EML6: variants seen among roughly 807,000 people sequenced by gnomAD.
EML6 encodes the protein echinoderm microtubule-associated protein-like 6.
A neutral mutation model predicts 240.1 loss-of-function variants in EML6; 154 were observed. The ratio of observed to expected loss-of-function variants is 0.64; its 90% confidence interval spans 0.56 to 0.73. The LOEUF (loss-of-function observed/expected upper bound fraction) is 0.73. Ranked by LOEUF, EML6 falls within the 30% of genes least tolerant of loss-of-function variation. EML6 has a pLI of 0.00. For synonymous variants in EML6, 1,148 were observed against 899.0 expected (o/e 1.28, Z -4.95); for missense variants, 2,964 against 2,474.6 (o/e 1.20, Z -4.20).
At chr2:54,934,548 A>ATATATT (rs1229062609) in intron 28 of EML6, among the ~76,000 whole-genome samples, 4 of 151,948 alleles carry the variant, frequency 2.6e-5, no homozygotes, top group Admixed American at 6.6e-5. Flanking sequence ...ATACATATAT[A>ATATATT]TATATTTATA....
rs879068173 is a variant in EML6, at chr2:54,844,172, G to C, written c.973G>C (p.Glu325Gln). The change falls in exon 8 of 42, where the codon GAG (glutamate) becomes CAG (glutamine). Residue 325 changes from glutamate (E) to glutamine (Q), a missense_variant. Transcript: ENST00000356458. ...KPMLILQGHC[E>Q]GELWALALHP... ...GATGTTGATCCTACAGGGCCACTGCGAGGGTGAGCTCTGGGCTCTGGCCCT... is the reference window on the plus strand; with the variant it reads ...GATGTTGATCCTACAGGGCCACTGCCAGGGTGAGCTCTGGGCTCTGGCCCT... 1 of 1,551,712 alleles carries C rather than the reference G, an allele frequency of 6.4e-7. No homozygotes were observed. Among genetic ancestry groups the C allele is most frequent in the South Asian group, 1.2e-5 (1 of 84,062 alleles).
rs1674802094 is a variant in EML6, at chr2:54,930,570, A to T, written c.4004+1819A>T. Among the ~76,000 whole-genome samples the T allele has an allele frequency of 2.0e-5, 3 of 152,124 alleles. No homozygotes were observed. The South Asian group carries it at 6.2e-4, about 32-fold the overall frequency. On this transcript the variant is annotated intron_variant, in intron 28 of 41. Coordinates refer to ENST00000356458, the MANE Select transcript of EML6 (RefSeq NM_001039753.4). ...CCTTATAATATTATGAAATAGGGGT[A>T]GGCAGTTCAGTAGTTTACTGGCATT...
intron 2 of EML6, among the ~76,000 whole-genome samples, chr2:54,787,908 C>T (rs1225717089): frequency 2.0e-5 from 3 of 152,160 alleles, no homozygotes; most frequent in Admixed American, 6.5e-5. Context: ...CACACCCCGT[C>T]CCCCGAGGCC....
At chr2:54,957,623 T>G (rs1676291249) in intron 32 of EML6, among the ~76,000 whole-genome samples, 167 bp from the exon 33 acceptor site, 1 of 152,194 alleles carries the variant, frequency 6.6e-6, no homozygotes, top group Non-Finnish European at 1.5e-5. Flanking sequence ...CCAGACACAC[T>G]TTCCCCGCTG....
intron 26 of EML6, 141 bp downstream of exon 26, chr2:54,917,076 C>G (rs1450149633): frequency 1.3e-5 from 8 of 626,756 alleles, no homozygotes; most frequent in Non-Finnish European, 2.1e-5. Context: ...AAAAACCTCC[C>G]TGACATTGTG....
At chr2:54,872,618 G>A (rs1383734249) in intron 16 of EML6, among the ~76,000 whole-genome samples, 2 of 152,118 alleles carry the variant, frequency 1.3e-5, no homozygotes, top group African/African-American at 2.4e-5. Context: ...GGAGCCCTTG[G>A]GACATCCATG....
At chr2:54,856,723 C>T (rs1401247028) in intron 11 of EML6, among the ~76,000 whole-genome samples, 1 of 152,146 alleles carries the variant, frequency 6.6e-6, no homozygotes, top group African/African-American at 2.4e-5. Context: ...TCGTAAAGGG[C>T]CCCCTGGCCA....
intron 2 of EML6, among the ~76,000 whole-genome samples, chr2:54,739,890 A>G (rs1048444610): frequency 9.9e-5 from 15 of 152,206 alleles, no homozygotes; most frequent in African/African-American, 3.4e-4. Flanking sequence ...TGCAAAGAGA[A>G]CTATGAATAC....
At chr2:54,941,971 C>T (rs1439375692) in intron 28 of EML6, among the ~76,000 whole-genome samples, 1 of 152,234 alleles carries the variant, frequency 6.6e-6, no homozygotes, top group African/African-American at 2.4e-5. Flanking sequence ...AATTAATCAT[C>T]TCCAAGGCCT....
At chr2:54,784,948 A>G (rs1319115321) in intron 2 of EML6, among the ~76,000 whole-genome samples, 2 of 152,204 alleles carry the variant, frequency 1.3e-5, no homozygotes, top group African/African-American at 4.8e-5. Flanking sequence ...CATAGCAGGC[A>G]ACTGCAGCTG....
intron 11 of EML6, 77 bp from the exon 12 acceptor site, chr2:54,859,457 G>A: frequency 8.8e-7 from 1 of 1,137,048 alleles, no homozygotes; most frequent in Non-Finnish European, 1.3e-6. Flanking sequence ...TCTTCAACAT[G>A]AACAGAAGGG....
chr2:54,799,632 C>G (rs34389776), intron 2 of EML6, among the ~76,000 whole-genome samples: 31,203 of 152,160 alleles, frequency 0.21, 3,570 homozygotes, highest in Middle Eastern at 0.32. Context: ...CGTGAACCAT[C>G]GTGCCCAGCT....
intron 15 of EML6, 113 bp downstream of exon 15, chr2:54,869,480 A>G: frequency 1.2e-6 from 1 of 808,732 alleles, no homozygotes. Context: ...TGAGATGGGA[A>G]GGTGAAGATT....
At chr2:54,906,388 T>C (rs535175618) in intron 24 of EML6, among the ~76,000 whole-genome samples, 1 of 152,168 alleles carries the variant, frequency 6.6e-6, no homozygotes, top group Non-Finnish European at 1.5e-5. Flanking sequence ...GGGATGCTGC[T>C]GTGGAGGGGC....
At chr2:54,827,887 A>G (rs748606017) in intron 6 of EML6, 136 bp downstream of exon 6, 5 of 627,158 alleles carry the variant, frequency 8.0e-6, no homozygotes, top group Middle Eastern at 4.3e-4. Context: ...ATAATTTCCC[A>G]TATTACATTT....
At chr2:54,846,936 T>TTTTTTTTTTTTTTTGGAGACA (rs1669793625) in intron 8 of EML6, among the ~76,000 whole-genome samples, 1 of 151,160 alleles carries the variant, frequency 6.6e-6, no homozygotes, top group Non-Finnish European at 1.5e-5. Context: ...TTTTTTTTTT[T>TTTTTTTTTTTTTTTGGAGACA]GGAGACAGGG....
chr2:54,838,056 T>C (rs866355265), intron 7 of EML6, among the ~76,000 whole-genome samples: 2 of 152,226 alleles, frequency 1.3e-5, no homozygotes, highest in African/African-American at 2.4e-5. Context: ...AACATAGCCT[T>C]TTCCTCTGTG....
chr2:54,970,366 T>C lies in EML6; in HGVS notation c.*271T>C, dbSNP rs1232135843. The C allele has an allele frequency of 7.0e-6, 3 of 428,698 alleles. No individual in the cohort carries two copies. Among genetic ancestry groups the C allele is most frequent in the East Asian group, 6.9e-5 (2 of 29,016 alleles). The allele number at this position is 428,698 out of a possible 1,614,324, so 26.6% of individuals were successfully genotyped here. ...CTAAACAGTATACATACTAACTACA[T>C]TGACAAAGAAATCCTATCTGATAAT... On this transcript the variant is annotated 3_prime_UTR_variant, in exon 42 of 42. Coordinates refer to ENST00000356458, the MANE Select transcript of EML6 (RefSeq NM_001039753.4).
rs914939323 is a variant in EML6 at position 54,725,954 on chromosome 2, C to T, written c.197+696C>T. 6.6e-6 allele frequency among the ~76,000 whole-genome samples: 1 copy of T among 151,942 alleles called. No homozygotes were observed. The highest frequency in any genetic ancestry group is 1.5e-5 in the Non-Finnish European group (1 of 67,936). On this transcript the variant is annotated intron_variant, in intron 2 of 41. Transcript: ENST00000356458. This position sits in a 1 kb window ranked among gnomAD's most constrained non-coding sequence, Gnocchi z 4.3. Reference sequence around the variant, plus strand: ...TAGCGGATGGCCCAAGACTGACTGACAGGAGAGCTCATTTGGATGAATGGC... The same window carrying T: ...TAGCGGATGGCCCAAGACTGACTGATAGGAGAGCTCATTTGGATGAATGGC...
Sources: allele counts gnomAD v4.1 joint callset (sites outside exome capture counted in the v4.1 genomes callset), GRCh38; gene constraint gnomAD v4.1.1; non-coding constraint Gnocchi (gnomAD v3.1); transcripts MANE v1.5; gene names NCBI Gene and HGNC (gene_info 2026-07-23, HGNC 2026-07-21).